JPH2: variants seen among roughly 807,000 people sequenced by gnomAD.
JPH2 encodes the protein junctophilin-2.
A neutral mutation model predicts 55.9 loss-of-function variants in JPH2; 38 were observed. The observed-to-expected ratio is 0.68, with a 90% confidence interval of 0.52 to 0.89. The LOEUF (loss-of-function observed/expected upper bound fraction) is 0.89. Among genes scored for constraint, JPH2 ranks in the 40% least tolerant of loss-of-function variants. JPH2 has a pLI of 0.00. For synonymous variants in JPH2, 480 were observed against 472.4 expected (o/e 1.02, Z -0.21); for missense variants, 964 against 1,037.6 (o/e 0.93, Z 0.97).
intron 2 of JPH2, among the ~76,000 whole-genome samples, chr20:44,122,531 T>C (rs1024698754): frequency 6.6e-6 from 1 of 152,226 alleles, no homozygotes; most frequent in Non-Finnish European, 1.5e-5. Flanking sequence ...GATTGGACCC[T>C]GCACTTGGAT....
At chr20:44,143,913 G>C (rs923740556) in intron 2 of JPH2, among the ~76,000 whole-genome samples, 9 of 152,122 alleles carry the variant, frequency 5.9e-5, no homozygotes, top group African/African-American at 1.7e-4. Context: ...GTAGTGAAGA[G>C]AGAGAGACAA....
chr20:44,128,638 C>A (rs551922907), intron 2 of JPH2, among the ~76,000 whole-genome samples: 3 of 151,928 alleles, frequency 2.0e-5, no homozygotes, highest in Non-Finnish European at 4.4e-5. Flanking sequence ...GGAAAATGAG[C>A]ATTTTTAAAA....
intron 2 of JPH2, among the ~76,000 whole-genome samples, chr20:44,151,274 T>C (rs931132356): frequency 1.3e-5 from 2 of 152,210 alleles, no homozygotes; most frequent in Non-Finnish European, 2.9e-5. Flanking sequence ...CCCAGCACTG[T>C]GGGAGGTTGA....
At chr20:44,148,617 G>A (rs6031418) in intron 2 of JPH2, among the ~76,000 whole-genome samples, 1 of 152,302 alleles carries the variant, frequency 6.6e-6, no homozygotes, top group African/African-American at 2.4e-5. Flanking sequence ...CGTGGCCTTA[G>A]GTTCGTTACT....
In JPH2 at chr20:44,115,871, C is replaced by A; in HGVS notation, c.1804G>T (p.Ala602Ser). 1.3e-6 allele frequency: 2 copies of A among 1,584,042 alleles called. No individual in the cohort carries two copies. Among genetic ancestry groups the A allele is most frequent in the Non-Finnish European group, 1.7e-6 (2 of 1,170,892 alleles). Reference protein sequence around the residue: ...SESAPSSPATAPLQAPTLRGP... With the variant: ...SESAPSSPATSPLQAPTLRGP... ...CGGAGCGTGGGGGCCTGCAGCGGGG[C>A]GGTGGCCGGGGACGAGGGCGCGGAC... Residue 602 changes from alanine to serine, a missense_variant, in exon 4 of 6, where the codon GCC becomes TCC. Coordinates refer to ENST00000372980, the MANE Select transcript of JPH2 (RefSeq NM_020433.5).
intron 2 of JPH2, among the ~76,000 whole-genome samples, chr20:44,134,164 AATATTTATTATAAATAT>A (rs1361981999): frequency 3.5e-4 from 8 of 22,660 alleles, no homozygotes; most frequent in Admixed American, 9.9e-4. Flanking sequence ...TAAATATATA[AATATTTATTATAAATAT>A]ATAAATATTT....
chr20:44,131,904 C>T (rs2145850934), intron 2 of JPH2, among the ~76,000 whole-genome samples: 1 of 152,302 alleles, frequency 6.6e-6, no homozygotes, highest in East Asian at 1.9e-4. Flanking sequence ...CCTACTCATC[C>T]TTCAGGACCC....
intron 2 of JPH2, among the ~76,000 whole-genome samples, chr20:44,126,012 G>A (rs921286474): frequency 2.0e-5 from 3 of 151,554 alleles, no homozygotes; most frequent in South Asian, 2.1e-4. Context: ...AATGGACCCC[G>A]CTACTTGGAA....
At position 44,108,028 on chromosome 20, in the gene JPH2, T is replaced by G. The variant is rs2072118423; in HGVS notation, c.*5490A>C. ...TAAAAGATTGGGGCTTTGGGCTATGTGATGTCAGCCTGACCTTTGGGTGTG... is the reference window on the plus strand; with the variant it reads ...TAAAAGATTGGGGCTTTGGGCTATGGGATGTCAGCCTGACCTTTGGGTGTG... On this transcript the variant is annotated 3_prime_UTR_variant, in exon 6 of 6. Coordinates refer to ENST00000372980, the MANE Select transcript of JPH2 (RefSeq NM_020433.5). Among the ~76,000 whole-genome samples the G allele has an allele frequency of 6.6e-6, 1 of 152,208 alleles. No homozygotes were observed.
Position 44,116,111 on chromosome 20 carries a change from G to A in JPH2, c.1564C>T (p.Arg522Trp), listed in dbSNP as rs770850932. Residue 522 changes from arginine (R) to tryptophan (W), a missense_variant, in exon 4 of 6, where the codon CGG becomes TGG. By Grantham distance (101) the Arg-to-Trp change is moderately radical. Transcript: ENST00000372980. ...GCGCCCTCGGACGGAGTGACTGACC[G>A]GCTGCCCTCACCGCTGGGCTCGCCG... ...WNGEPSGEGS[R>W]SVTPSEGAGR... 21 of 1,479,284 alleles carry A rather than the reference G, an allele frequency of 1.4e-5. No individual in the cohort carries two copies. The highest frequency in any genetic ancestry group is 2.2e-4 in the Middle Eastern group (1 of 4,598). 91.6% of individuals were successfully genotyped at this position (1,479,284 alleles called of 1,614,324 possible). A position where few individuals can be genotyped will look rare whatever the true frequency, so the allele number is the denominator to read the frequency against.
chr20:44,128,264 CT>C (rs2072291418), intron 2 of JPH2, among the ~76,000 whole-genome samples: 4 of 152,250 alleles, frequency 2.6e-5, no homozygotes, highest in African/African-American at 9.6e-5. Context: ...AACACTGTTT[CT>C]AATAAGAAAA....
chr20:44,134,811 A>T (rs2072392468), intron 2 of JPH2, among the ~76,000 whole-genome samples: 2 of 118,014 alleles, frequency 1.7e-5, no homozygotes, highest in African/African-American at 6.5e-5. Flanking sequence ...TTATAAATAT[A>T]TATAAATATT....
intron 2 of JPH2, among the ~76,000 whole-genome samples, chr20:44,150,963 G>A (rs1412035755): frequency 1.3e-5 from 2 of 152,088 alleles, no homozygotes; most frequent in African/African-American, 4.8e-5. Context: ...CTGGGTGGTG[G>A]AGGCTGCAGT....
chr20:44,118,560 C>T lies in JPH2; in HGVS notation c.1233G>A (p.Glu411=), dbSNP rs143061111. ...AEQAALAANQ[E]SNIARTLARE... Reference sequence around the variant, plus strand: ...TGGCCAAAGTGCGAGCAATGTTGGACTCCTGGTTGGCAGCCAGGGCGGCCT... The same window carrying T: ...TGGCCAAAGTGCGAGCAATGTTGGATTCCTGGTTGGCAGCCAGGGCGGCCT... The change falls in exon 3 of 6, where the codon GAG becomes GAA. Residue 411 remains glutamate (E), a synonymous_variant. Coordinates refer to ENST00000372980, the MANE Select transcript of JPH2 (RefSeq NM_020433.5). 4.4e-5 allele frequency: 71 copies of T among 1,613,150 alleles called. 1 individual carries two copies. In the African/African-American group the frequency reaches 8.7e-4, roughly 20 times the overall value.
chr20:44,177,282 G>A, intron 1 of JPH2: 1 of 986,060 alleles, frequency 1.0e-6, no homozygotes, highest in South Asian at 4.7e-5. Context: ...CTCAACCAGG[G>A]CCCTCAGAAA....
intron 1 of JPH2, among the ~76,000 whole-genome samples, chr20:44,172,025 C>T (rs1186789559): frequency 6.6e-6 from 1 of 152,176 alleles, no homozygotes; most frequent in Non-Finnish European, 1.5e-5. Flanking sequence ...TTGAGTCTGT[C>T]TCCTCTCAGT....
chr20:44,167,588 G>T (rs1331334828), intron 1 of JPH2, among the ~76,000 whole-genome samples: 2 of 152,034 alleles, frequency 1.3e-5, no homozygotes, highest in Admixed American at 6.6e-5. Context: ...GCAAAAATAC[G>T]GTCCTGTCCC....
Position 44,186,448 on chromosome 20 carries a change from C to T in JPH2, c.258G>A (p.Trp86Ter). The change falls in exon 1 of 6, where the codon TGG (tryptophan) becomes TGA (stop). Residue 86 changes from tryptophan to a stop codon, truncating the protein, a stop_gained. Transcript: ENST00000372980. LOFTEE classifies it high-confidence loss of function. ...CGTAGCGTCCCTTGAAGCCATGTGT[C>T]CACTCGCCCTTGTAGAGCCAGCGCC... ...TKGRWLYKGE[W>*]THGFKGRYGI... 1 of 1,614,054 alleles carries T rather than the reference C, an allele frequency of 6.2e-7. No homozygotes were observed. Among genetic ancestry groups the T allele is most frequent in the Non-Finnish European group, 8.5e-7 (1 of 1,179,978 alleles).
At position 44,162,789 on chromosome 20, in the gene JPH2, C is replaced by CAT. The variant is rs1569212280; in HGVS notation, c.380-2383_380-2382insAT. Among the ~76,000 whole-genome samples the CAT allele has an allele frequency of 8.0e-4, 37 of 46,042 alleles. 1 individual carries two copies. The highest frequency in any genetic ancestry group is 4.3e-3 in the East Asian group (9 of 2,070). 30.2% of individuals were successfully genotyped at this position (46,042 alleles called of 152,430 possible). The stretch of plus-strand genomic sequence containing the variant: ...ATATATATATATATATATATATATA[C>CAT]ACACACACACACACACACACACACA... On this transcript the variant is annotated intron_variant, in intron 1 of 5. Coordinates refer to ENST00000372980, the MANE Select transcript of JPH2 (RefSeq NM_020433.5).
Sources: gnomAD v4.1 joint callset for allele counts (sites outside exome capture counted in the v4.1 genomes callset) on GRCh38, gnomAD v4.1.1 for gene constraint, MANE v1.5 for transcripts, NCBI Gene and HGNC (gene_info 2026-07-23, HGNC 2026-07-21) for gene names.